The following RAB38 variants were observed in gnomAD, a reference collection of about 807,000 sequenced individuals.
RAB38 encodes ras-related protein Rab-38.
In RAB38, 15 loss-of-function variants were observed where a neutral mutation model predicts 18.4. That is an observed-to-expected ratio of 0.82 (90% CI 0.55 to 1.26). The LOEUF (loss-of-function observed/expected upper bound fraction) is 1.26. RAB38 is among the 50% of genes most tolerant of loss of function. The pLI, the probability that RAB38 is intolerant of heterozygous loss-of-function variation, is 0.00. For missense variants in RAB38, 294 were observed against 267.4 expected (o/e 1.10, Z -0.69); for synonymous variants, 101 against 104.4 (o/e 0.97, Z 0.20).
At chr11:87,918,995 G>T in the RAB38 span, among the ~76,000 whole-genome samples, 2 of 151,150 alleles carry the variant, frequency 1.3e-5, no homozygotes, top group Non-Finnish European at 1.5e-5. Flanking sequence ...TTCTTATACT[G>T]TATTTACAGT....
chr11:88,159,612 T>C (rs896444254), intron 1 of RAB38, among the ~76,000 whole-genome samples: 1 of 151,986 alleles, frequency 6.6e-6, no homozygotes, highest in Non-Finnish European at 1.5e-5. Context: ...AACAGCATGG[T>C]AATATTACAA....
chr11:88,103,561 G>A, the RAB38 span, among the ~76,000 whole-genome samples: 12 of 152,190 alleles, frequency 7.9e-5, no homozygotes, highest in Non-Finnish European at 1.5e-4. Context: ...TAGCTTTATA[G>A]AGTCACCTGA....
the RAB38 span, among the ~76,000 whole-genome samples, chr11:87,949,949 A>G: frequency 6.6e-6 from 1 of 152,058 alleles, no homozygotes; most frequent in Non-Finnish European, 1.5e-5. Context: ...TATCCTTGTT[A>G]ACTTTCTGTC....
chr11:88,072,697 G>T, the RAB38 span, among the ~76,000 whole-genome samples: 6 of 152,106 alleles, frequency 3.9e-5, no homozygotes, highest in African/African-American at 1.4e-4. Context: ...GAATATTTAT[G>T]ACTGAGCGAA....
chr11:87,976,675 A>ATATGAATATATAATTTTATAT, the RAB38 span, among the ~76,000 whole-genome samples: 1 of 117,918 alleles, frequency 8.5e-6, no homozygotes, highest in Non-Finnish European at 1.6e-5. Flanking sequence ...TTTATATGAT[A>ATATGAATATATAATTTTATAT]TATATTTATA....
the RAB38 span, among the ~76,000 whole-genome samples, chr11:88,013,212 A>C: frequency 3.3e-5 from 5 of 152,050 alleles, no homozygotes; most frequent in East Asian, 9.7e-4. Context: ...TACCTTGGAG[A>C]ATATAAATTA....
chr11:87,892,693 G>C, the RAB38 span, among the ~76,000 whole-genome samples: 1 of 151,700 alleles, frequency 6.6e-6, no homozygotes, highest in African/African-American at 2.4e-5. Context: ...TTTGTCTACT[G>C]GCATGATATA....
chr11:87,927,248 C>T, the RAB38 span, among the ~76,000 whole-genome samples: 1 of 151,964 alleles, frequency 6.6e-6, no homozygotes, highest in African/African-American at 2.4e-5. Context: ...TAAATATATT[C>T]CTACACCCCA....
the RAB38 span, among the ~76,000 whole-genome samples, chr11:88,026,827 A>G: frequency 6.6e-6 from 1 of 152,180 alleles, no homozygotes; most frequent in African/African-American, 2.4e-5. Context: ...AACAGGTGAA[A>G]GTTAATTGGA....
chr11:88,138,851 C>T (rs889826359), intron 2 of RAB38, among the ~76,000 whole-genome samples: 50 of 151,640 alleles, frequency 3.3e-4, no homozygotes, highest in African/African-American at 8.7e-4. Flanking sequence ...GGCGCGATCT[C>T]GGCTCCCTGC....
intron 1 of RAB38, among the ~76,000 whole-genome samples, chr11:88,156,559 G>A (rs1943128119): frequency 6.6e-6 from 1 of 152,166 alleles, no homozygotes; most frequent in East Asian, 1.9e-4. Context: ...AAAATTAGCT[G>A]AGTGTGGTGA....
chr11:87,972,890 G>A, the RAB38 span, among the ~76,000 whole-genome samples: 1 of 151,956 alleles, frequency 6.6e-6, no homozygotes, highest in Non-Finnish European at 1.5e-5. Context: ...GGATCATGGG[G>A]GCAGGTTTCC....
chr11:88,073,382 C>G, the RAB38 span, among the ~76,000 whole-genome samples: 1 of 152,048 alleles, frequency 6.6e-6, no homozygotes, highest in East Asian at 1.9e-4. Context: ...CCCTTTGGAA[C>G]CCCCCTCTTT....
the RAB38 span, among the ~76,000 whole-genome samples, chr11:87,958,002 C>T: frequency 7.2e-5 from 11 of 152,082 alleles, no homozygotes; most frequent in Non-Finnish European, 7.4e-5. Flanking sequence ...TACAATGATT[C>T]GACTTACGAT....
At chr11:88,124,529 A>G (rs1942669016) in intron 2 of RAB38, among the ~76,000 whole-genome samples, 1 of 152,168 alleles carries the variant, frequency 6.6e-6, no homozygotes, top group South Asian at 2.1e-4. Flanking sequence ...AAAAATGCTC[A>G]TCATCACTGG....
At chr11:88,035,186 ATGAG>A in the RAB38 span, among the ~76,000 whole-genome samples, 1 of 152,146 alleles carries the variant, frequency 6.6e-6, no homozygotes, top group Non-Finnish European at 1.5e-5. Context: ...TCTCTACTGT[ATGAG>A]TAATTTCTTC....
At chr11:87,841,999 T>C in the RAB38 span, among the ~76,000 whole-genome samples, 2 of 152,248 alleles carry the variant, frequency 1.3e-5, no homozygotes, top group South Asian at 4.1e-4. Context: ...TTTTTTCTTC[T>C]ATTTTTCTTC....
At chr11:88,116,231 C>G (rs1050087124) in intron 2 of RAB38, among the ~76,000 whole-genome samples, 3 of 152,178 alleles carry the variant, frequency 2.0e-5, no homozygotes, top group Admixed American at 6.5e-5. Flanking sequence ...TGAGTGGAAG[C>G]CTGTCCGATG....
chr11:88,132,390 G>A (rs1942776645), intron 2 of RAB38, among the ~76,000 whole-genome samples: 3 of 152,202 alleles, frequency 2.0e-5, no homozygotes, highest in South Asian at 4.2e-4. Context: ...CTCTTCTTTG[G>A]TTAAGTCACT....
Sources: allele counts gnomAD v4.1 joint callset (sites outside exome capture counted in the v4.1 genomes callset), GRCh38; gene constraint gnomAD v4.1.1; transcripts MANE v1.5; gene names NCBI Gene and HGNC (gene_info 2026-07-23, HGNC 2026-07-21).